Variants in RBPMS observed in about 807,000 individuals in gnomAD.
The protein encoded by RBPMS is RNA-binding protein with multiple splicing.
RBPMS carries 7 observed loss-of-function variants against 26.8 expected under a neutral mutation model. The ratio of observed to expected loss-of-function variants is 0.26; its 90% confidence interval spans 0.15 to 0.49. RBPMS has a LOEUF of 0.49. Among genes scored for constraint, RBPMS ranks in the 20% least tolerant of loss-of-function variants. RBPMS has a pLI of 0.98. For synonymous variants in RBPMS, 96 were observed against 93.3 expected (o/e 1.03, Z -0.17); for missense variants, 186 against 250.0 (o/e 0.74, Z 1.73).
chr8:30,553,216 G>C (rs1187073798), intron 6 of RBPMS: 1 of 152,246 alleles, frequency 6.6e-6, no homozygotes, highest in South Asian at 2.1e-4. Context: ...ATTCTGGGGG[G>C]CAGGGAGAAG....
intron 5 of RBPMS, among the ~76,000 whole-genome samples, chr8:30,531,240 T>C (rs1824195734): frequency 6.6e-6 from 1 of 152,148 alleles, no homozygotes; most frequent in African/African-American, 2.4e-5. Context: ...TTGGACACCT[T>C]CATTCTAAAA....
At chr8:30,515,460 G>A (rs1220577781) in intron 5 of RBPMS, among the ~76,000 whole-genome samples, 1 of 152,052 alleles carries the variant, frequency 6.6e-6, no homozygotes, top group Non-Finnish European at 1.5e-5. Flanking sequence ...GTCTCTGTGA[G>A]ACCATATTTT....
At chr8:30,472,603 AAATATATC>A (rs1229350424) in intron 1 of RBPMS, among the ~76,000 whole-genome samples, 1 of 152,260 alleles carries the variant, frequency 6.6e-6, no homozygotes, top group Non-Finnish European at 1.5e-5. Context: ...AGCTGTTTAT[AAATATATC>A]ATAAAATAAG....
rs79568454 is a variant in RBPMS at position 30,420,461 on chromosome 8, A to G, written c.66+35303A>G. Among the ~76,000 whole-genome samples the G allele has an allele frequency of 2.8e-3, 429 of 152,326 alleles. 2 individuals carry two copies. Among genetic ancestry groups the G allele is most frequent in the African/African-American group, 0.01 (419 of 41,562 alleles). On this transcript the variant is annotated intron_variant, in intron 1 of 8. Coordinates refer to ENST00000397323, the MANE Select transcript of RBPMS (RefSeq NM_001008710.3). ...AACTCGGGGGGACTTTCCACACCGG[A>G]TATCAAAACCCATTTTGAAATATTG... is the stretch of plus-strand genomic sequence containing the variant.
In RBPMS at chr8:30,571,137, T is replaced by C. The variant is rs781530634; in HGVS notation, c.*612T>C. On this transcript the variant is annotated 3_prime_UTR_variant, in exon 9 of 9. Transcript: ENST00000397323. ...TTAGATGTTAGAAACAGAACTGTTA[T>C]TTGCAGTGTTAGGTCTAGGATCCCA... 13 of 152,212 alleles carry C rather than the reference T, an allele frequency of 8.5e-5. No individual in the cohort carries two copies. Among genetic ancestry groups the C allele is most frequent in the Non-Finnish European group, 1.8e-4 (12 of 68,040 alleles). 9.4% of individuals were successfully genotyped at this position (152,212 alleles called of 1,614,324 possible). A position where few individuals can be genotyped will look rare whatever the true frequency, so the allele number is the denominator to read the frequency against.
chr8:30,485,653 A>G (rs913385061), intron 4 of RBPMS, among the ~76,000 whole-genome samples: 12 of 152,348 alleles, frequency 7.9e-5, no homozygotes, highest in South Asian at 2.1e-4. Flanking sequence ...AACTATGTGC[A>G]TGCACTTTGG....
intron 4 of RBPMS, among the ~76,000 whole-genome samples, chr8:30,494,374 T>C (rs781114993): frequency 3.9e-5 from 6 of 152,202 alleles, no homozygotes; most frequent in Non-Finnish European, 7.4e-5. Context: ...AGGAGCTCCA[T>C]AGCTGATAAG....
chr8:30,525,991 A>G lies in RBPMS; in HGVS notation c.398-18503A>G, dbSNP rs10104534. On this transcript the variant is annotated intron_variant, in intron 5 of 8. Transcript: ENST00000397323. ...ATTTGATGCACTTAAATCCCAGATTAGTAGCAGTTATGGTAACAGATGTCC... is the reference window on the plus strand; with the variant it reads ...ATTTGATGCACTTAAATCCCAGATTGGTAGCAGTTATGGTAACAGATGTCC... Among the ~76,000 whole-genome samples, 1,250 of 152,386 alleles carry G rather than the reference A, an allele frequency of 8.2e-3. 17 individuals carry two copies. The highest frequency in any genetic ancestry group is 0.029 in the African/African-American group (1,204 of 41,594).
intron 3 of RBPMS, 83 bp from the exon 4 acceptor site, chr8:30,479,232 T>C: frequency 1.0e-6 from 1 of 961,592 alleles, no homozygotes; most frequent in Non-Finnish European, 1.6e-6. Flanking sequence ...TTATCTTAGC[T>C]CTTCAGTTTG....
At chr8:30,519,578 G>A (rs571685946) in intron 5 of RBPMS, among the ~76,000 whole-genome samples, 2 of 145,930 alleles carry the variant, frequency 1.4e-5, no homozygotes, top group African/African-American at 5.1e-5. Flanking sequence ...CCGCCTTCCA[G>A]GTTCATGCCA....
At chr8:30,474,258 A>G (rs1817456623) in intron 1 of RBPMS, among the ~76,000 whole-genome samples, 2 of 152,180 alleles carry the variant, frequency 1.3e-5, no homozygotes, top group South Asian at 4.1e-4. Flanking sequence ...ATTAATGCCT[A>G]TGAGGAAAGC....
chr8:30,392,900 C>T (rs1431828055), intron 1 of RBPMS, among the ~76,000 whole-genome samples: 5 of 152,070 alleles, frequency 3.3e-5, no homozygotes, highest in Non-Finnish European at 5.9e-5. Context: ...TCTTGAAATA[C>T]GATTTTCAGA....
In RBPMS at chr8:30,514,680, C is replaced by CT. The variant is rs577244764; in HGVS notation, c.397+10267dup. Among the ~76,000 whole-genome samples the CT allele has an allele frequency of 8.1e-3, 665 of 82,560 alleles. 58 individuals are homozygous for CT. The highest frequency in any genetic ancestry group is 0.032 in the African/African-American group (597 of 18,940). The allele number at this position is 82,560 out of a possible 152,430, so 54.2% of individuals were successfully genotyped here. On this transcript the variant is annotated intron_variant, in intron 5 of 8. Transcript: ENST00000397323. ...TACGGGTGCGAGCCACCATGCCGGGCTTTTTTTTTTTTTTTTTTTTTTTAA... is the reference window on the plus strand; with the variant it reads ...TACGGGTGCGAGCCACCATGCCGGGCTTTTTTTTTTTTTTTTTTTTTTTTAA...
At chr8:30,415,726 T>C (rs1390426429) in intron 1 of RBPMS, among the ~76,000 whole-genome samples, 1 of 152,094 alleles carries the variant, frequency 6.6e-6, no homozygotes, top group Non-Finnish European at 1.5e-5. Flanking sequence ...ATAAGACTGC[T>C]TGGTGTGTTA....
chr8:30,521,705 C>G (rs959065539), intron 5 of RBPMS, among the ~76,000 whole-genome samples: 2 of 139,964 alleles, frequency 1.4e-5, no homozygotes, highest in East Asian at 4.7e-4. Flanking sequence ...TCCTCTACCC[C>G]CCTTTTTTTA....
chr8:30,481,091 T>G (rs1041213324), intron 4 of RBPMS, among the ~76,000 whole-genome samples: 7 of 152,198 alleles, frequency 4.6e-5, no homozygotes, highest in African/African-American at 7.2e-5. Flanking sequence ...TGTGGTAGGT[T>G]GCATTTTTGT....
At chr8:30,502,029 T>C (rs1820607446) in intron 4 of RBPMS, among the ~76,000 whole-genome samples, 1 of 152,222 alleles carries the variant, frequency 6.6e-6, no homozygotes, top group Admixed American at 6.5e-5. Context: ...AGGATATTGA[T>C]TACCAAATAT....
intron 1 of RBPMS, among the ~76,000 whole-genome samples, chr8:30,388,226 A>T (rs1807342998): frequency 6.6e-6 from 1 of 151,928 alleles, no homozygotes; most frequent in African/African-American, 2.4e-5. Flanking sequence ...GTATCATGTC[A>T]TTTCTTATAT....
At chr8:30,451,521 T>A (rs1814588900) in intron 1 of RBPMS, among the ~76,000 whole-genome samples, 1 of 152,154 alleles carries the variant, frequency 6.6e-6, no homozygotes, top group South Asian at 2.1e-4. Flanking sequence ...ATATGGATTA[T>A]TATCTCCACT....
Sources: gnomAD v4.1 joint callset for allele counts (sites outside exome capture counted in the v4.1 genomes callset) on GRCh38, gnomAD v4.1.1 for gene constraint, MANE v1.5 for transcripts, NCBI Gene and HGNC (gene_info 2026-07-23, HGNC 2026-07-21) for gene names.